The following PTPRN2 variants were observed in gnomAD, a reference collection of about 807,000 sequenced individuals.
PTPRN2 encodes receptor-type tyrosine-protein phosphatase N2.
Under a neutral mutation model 118.8 loss-of-function variants are expected in PTPRN2, and 74 were observed. The ratio of observed to expected loss-of-function variants is 0.62; its 90% CI spans 0.52 to 0.76. The LOEUF is 0.76. Among genes scored for constraint, PTPRN2 ranks in the 30% least tolerant of loss-of-function variants. The probability of loss-of-function intolerance (pLI) is 0.00; values close to 1 mark genes in which losing one functional copy is unlikely to be tolerated. For missense variants in PTPRN2, 1,481 were observed against 1,394.4 expected (o/e 1.06, Z -0.99); for synonymous variants, 641 against 608.0 (o/e 1.05, Z -0.80).
intron 12 of PTPRN2, among the ~76,000 whole-genome samples, chr7:157,873,713 T>C (rs1795530463): frequency 6.6e-6 from 1 of 151,812 alleles, no homozygotes; most frequent in Admixed American, 6.6e-5. Flanking sequence ...GAACGTACTG[T>C]CCTCAAGCAG....
intron 11 of PTPRN2, among the ~76,000 whole-genome samples, chr7:157,945,716 G>GATGCCACCTCCAGCTTGGACA (rs200896013): frequency 3.3e-5 from 5 of 149,486 alleles, no homozygotes; most frequent in Non-Finnish European, 7.4e-5. Context: ...CAACTTGGAT[G>GATGCCACCTCCAGCTTGGACA]ATGCCACCTC....
intron 21 of PTPRN2, among the ~76,000 whole-genome samples, chr7:157,564,607 T>G (rs1158540911): frequency 6.6e-6 from 1 of 152,216 alleles, no homozygotes; most frequent in Non-Finnish European, 1.5e-5. Context: ...AACAGCCCAC[T>G]TCAGAAATGG....
At chr7:158,069,701 T>C (rs1166636860) in intron 11 of PTPRN2, among the ~76,000 whole-genome samples, 2 of 152,224 alleles carry the variant, frequency 1.3e-5, no homozygotes, top group Admixed American at 6.5e-5. Flanking sequence ...AGAACACTAC[T>C]GAAAAGAGAG....
intron 12 of PTPRN2, among the ~76,000 whole-genome samples, chr7:157,814,974 G>A (rs574062053): frequency 6.6e-5 from 10 of 152,256 alleles, no homozygotes; most frequent in African/African-American, 2.2e-4. Flanking sequence ...GCATGGTGAC[G>A]GTGATGTTTG....
intron 14 of PTPRN2, among the ~76,000 whole-genome samples, chr7:157,634,838 T>G (rs1310136299): frequency 3.9e-5 from 6 of 152,212 alleles, no homozygotes; most frequent in Non-Finnish European, 8.8e-5. Flanking sequence ...AAAACCAGAA[T>G]TTTTAAGAGA....
intron 2 of PTPRN2, among the ~76,000 whole-genome samples, chr7:158,333,316 T>A (rs1326818739): frequency 7.3e-6 from 1 of 137,322 alleles, no homozygotes; most frequent in Admixed American, 7.0e-5. Flanking sequence ...CAGACGTCAC[T>A]CACACCCACA....
chr7:158,264,955 A>G (rs1797775290), intron 3 of PTPRN2, among the ~76,000 whole-genome samples: 1 of 151,614 alleles, frequency 6.6e-6, no homozygotes, highest in African/African-American at 2.4e-5. Context: ...CCTGACCCTC[A>G]CCTGCTAGAG....
At chr7:158,160,430 T>G (rs1164649985) in intron 6 of PTPRN2, among the ~76,000 whole-genome samples, 1 of 152,164 alleles carries the variant, frequency 6.6e-6, no homozygotes, top group Non-Finnish European at 1.5e-5. Context: ...GCCTTTGGAC[T>G]CCAGGACTCA....
Position 157,745,768 on chromosome 7 carries a change from G to C in PTPRN2, c.1789-62831C>G, listed in dbSNP as rs992603825. ...GATACAGCAGCAAAGACCACCCAAC[G>C]ATCTGGTTCCTACCCATTTCCAGGC... On this transcript the variant is annotated intron_variant, in intron 12 of 22. Transcript: ENST00000389418. Among the ~76,000 whole-genome samples, 10 of 152,276 alleles carry C rather than the reference G, an allele frequency of 6.6e-5. No homozygotes were observed. In the East Asian group the frequency reaches 1.2e-3, roughly 18 times the overall value.
intron 12 of PTPRN2, among the ~76,000 whole-genome samples, chr7:157,879,255 C>T (rs113386808): frequency 6.1e-4 from 93 of 152,162 alleles, no homozygotes; most frequent in African/African-American, 1.8e-3. Flanking sequence ...ACTTACTCAC[C>T]GAGGAGCTCT....
At chr7:158,390,533 ACCATCGTG>A (rs778354648) in intron 2 of PTPRN2, among the ~76,000 whole-genome samples, 2 of 152,108 alleles carry the variant, frequency 1.3e-5, no homozygotes, top group Non-Finnish European at 2.9e-5. Context: ...TCGCAGTAGG[ACCATCGTG>A]CTGGAGGGCC....
chr7:158,500,670 A>C (rs967836930), intron 1 of PTPRN2, among the ~76,000 whole-genome samples: 5 of 152,246 alleles, frequency 3.3e-5, no homozygotes, highest in Admixed American at 6.5e-5. Context: ...CCCCAGCCAC[A>C]AAAACGTCCA....
At chr7:157,658,926 C>A (rs138221130) in intron 13 of PTPRN2, among the ~76,000 whole-genome samples, 3 of 152,078 alleles carry the variant, frequency 2.0e-5, no homozygotes, top group Non-Finnish European at 4.4e-5. Flanking sequence ...TCCCCACAGC[C>A]GTGTGCGTCA....
intron 14 of PTPRN2, among the ~76,000 whole-genome samples, chr7:157,644,091 C>T (rs1001962938): frequency 7.1e-6 from 1 of 140,000 alleles, no homozygotes; most frequent in Non-Finnish European, 1.6e-5. Context: ...TGTGCTGCCT[C>T]CCTAATCCCC....
At position 157,764,293 on chromosome 7, in the gene PTPRN2, G is replaced by C. The variant is rs1802320037; in HGVS notation, c.1789-81356C>G. 6.6e-6 allele frequency among the ~76,000 whole-genome samples: 1 copy of C among 152,192 alleles called. No homozygotes were observed. The highest frequency in any genetic ancestry group is 2.1e-4 in the South Asian group (1 of 4,830). On this transcript the variant is annotated intron_variant, in intron 12 of 22. Coordinates refer to ENST00000389418, the MANE Select transcript of PTPRN2 (RefSeq NM_002847.5). This position sits in a 1 kb window ranked among gnomAD's most constrained non-coding sequence, Gnocchi z 4.5. The stretch of plus-strand genomic sequence containing the variant: ...GATTCGCACGCCCATGTTCATAGCA[G>C]CAGCGCTCACAGAAGCCAAGAGGTG...
In PTPRN2 at chr7:157,540,606, G is replaced by T; in HGVS notation, c.*108C>A. On this transcript the variant is annotated 3_prime_UTR_variant, in exon 23 of 23. Coordinates refer to ENST00000389418, the MANE Select transcript of PTPRN2 (RefSeq NM_002847.5). ...TGCGCTGACTACGGGAGAGCTAAGGGCCCTATTACTATGCAGTTATAATAG... is the reference window on the plus strand; with the variant it reads ...TGCGCTGACTACGGGAGAGCTAAGGTCCCTATTACTATGCAGTTATAATAG... The T allele has an allele frequency of 2.3e-6, 2 of 867,936 alleles. No homozygotes were observed. The highest frequency in any genetic ancestry group is 3.5e-6 in the Non-Finnish European group (2 of 563,640). 53.8% of individuals were successfully genotyped at this position (867,936 alleles called of 1,614,324 possible).
chr7:157,743,302 T>TG (rs1426775147), intron 12 of PTPRN2, among the ~76,000 whole-genome samples: 1 of 152,118 alleles, frequency 6.6e-6, no homozygotes, highest in Non-Finnish European at 1.5e-5. Flanking sequence ...GGTCTGGTAA[T>TG]GGGCTTGGAC....
At chr7:157,799,264 G>A (rs1238640130) in intron 12 of PTPRN2, among the ~76,000 whole-genome samples, 1 of 152,086 alleles carries the variant, frequency 6.6e-6, no homozygotes, top group Admixed American at 6.5e-5. Context: ...TCCCTGCACC[G>A]AGGCTTCAGC....
intron 1 of PTPRN2, among the ~76,000 whole-genome samples, chr7:158,490,978 G>T (rs1161514888): frequency 6.6e-6 from 1 of 152,214 alleles, no homozygotes; most frequent in Non-Finnish European, 1.5e-5. Context: ...GCAAATGGGT[G>T]AACAAAGAAA....
Sources: allele counts gnomAD v4.1 joint callset (sites outside exome capture counted in the v4.1 genomes callset), GRCh38; gene constraint gnomAD v4.1.1; non-coding constraint Gnocchi (gnomAD v3.1); transcripts MANE v1.5; gene names NCBI Gene and HGNC (gene_info 2026-07-23, HGNC 2026-07-21).